The following SNRPG variants were observed in gnomAD, a reference collection of about 807,000 sequenced individuals.
The protein encoded by SNRPG is small nuclear ribonucleoprotein polypeptide G, also known as small nuclear ribonucleoprotein G.
SNRPG carries 3 observed loss-of-function variants against 13.9 expected under a neutral mutation model. The observed-to-expected ratio is 0.22, with a 90% CI of 0.10 to 0.56. SNRPG has a LOEUF of 0.56. Among genes scored for constraint, SNRPG ranks in the 20% least tolerant of loss-of-function variants. The pLI is 0.93. For synonymous variants in SNRPG, 29 were observed against 29.3 expected, an observed-to-expected ratio of 0.99 and a Z score of 0.03; for missense variants, 34 against 96.1, an observed-to-expected ratio of 0.35 and a Z score of 2.70.
intron 1 of SNRPG, chr2:70,292,831 C>A: frequency 3.1e-6 from 1 of 317,760 alleles, no homozygotes; most frequent in Non-Finnish European, 5.9e-6. Context: ...GAAGTATAAG[C>A]AAAACAGAAA....
intron 1 of SNRPG, chr2:70,293,361 G>C (rs1240089414): frequency 3.2e-6 from 2 of 630,984 alleles, no homozygotes; most frequent in African/African-American, 3.6e-5. Flanking sequence ...GGGTGACCAG[G>C]GGCCAGACCG....
chr2:70,292,889 G>A (rs1003155768), intron 1 of SNRPG: 2 of 489,060 alleles, frequency 4.1e-6, no homozygotes, highest in Non-Finnish European at 3.7e-6. Flanking sequence ...AAAAGTATTT[G>A]AGGAATTCAA....
chr2:70,287,172 G>A (rs1367217034), intron 3 of SNRPG: 1 of 603,640 alleles, frequency 1.7e-6, no homozygotes, highest in Non-Finnish European at 2.9e-6. Context: ...AATTAAACAG[G>A]CAGAGATGTC....
chr2:70,293,426 C>A, intron 1 of SNRPG, 192 bp downstream of exon 1: 1 of 667,734 alleles, frequency 1.5e-6, no homozygotes, highest in Non-Finnish European at 2.7e-6. Flanking sequence ...CGGCTGTAAC[C>A]ACACCGACGC....
At chr2:70,285,991 A>T (rs1696933570) in intron 3 of SNRPG, among the ~76,000 whole-genome samples, 1 of 152,182 alleles carries the variant, frequency 6.6e-6, no homozygotes, top group Non-Finnish European at 1.5e-5. Context: ...TGTCACAAAG[A>T]TTGGAGTGCA....
intron 3 of SNRPG, among the ~76,000 whole-genome samples, chr2:70,283,347 TA>T (rs1696861917): frequency 6.6e-6 from 1 of 151,758 alleles, no homozygotes; most frequent in African/African-American, 2.4e-5. Flanking sequence ...AGGGAAAGAA[TA>T]GGTAATGTAG....
In SNRPG at chr2:70,293,716, G is replaced by T. The variant is rs185436321; in HGVS notation, c.-67C>A. 2.0e-6 allele frequency: 3 copies of T among 1,483,678 alleles called. No individual in the cohort carries two copies. The highest frequency in any genetic ancestry group is 2.3e-5 in the East Asian group (1 of 44,236). The allele number at this position is 1,483,678 out of a possible 1,614,324, so 91.9% of individuals were successfully genotyped here. On this transcript the variant is annotated 5_prime_UTR_variant, in exon 1 of 4. Transcript: ENST00000272348. ...GCACGGCTTTCCTCACGCTCCCGCT[G>T]TAGGCCCGGCGTCTTGCGTCTGGCG...
chr2:70,281,752 A>C (rs1696791439), intron 3 of SNRPG, 68 bp from the exon 4 acceptor site: 1 of 852,710 alleles, frequency 1.2e-6, no homozygotes, highest in Admixed American at 2.3e-5. Flanking sequence ...ATGATTTAAG[A>C]ATTTTCACCA....
intron 3 of SNRPG, chr2:70,287,487 G>A (rs888587748): frequency 8.8e-6 from 5 of 565,222 alleles, no homozygotes; most frequent in Non-Finnish European, 1.6e-5. Flanking sequence ...CTCAGTATGT[G>A]CTTATTTTTT....
intron 3 of SNRPG, chr2:70,287,421 C>T (rs777924755): frequency 1.3e-5 from 9 of 688,764 alleles, no homozygotes; most frequent in South Asian, 7.7e-5. Context: ...AACTCTTCTT[C>T]AGCAATCACT....
chr2:70,281,404 T>G lies in SNRPG; in HGVS notation c.*230A>C, dbSNP rs993781160. The G allele has an allele frequency of 1.1e-5, 4 of 351,766 alleles. No individual in the cohort carries two copies. Among genetic ancestry groups the G allele is most frequent in the African/African-American group, 8.6e-5 (4 of 46,728 alleles). The allele number at this position is 351,766 out of a possible 1,614,324, so 21.8% of individuals were successfully genotyped here. ...ATTTAATAAGATTCTTTCACTTTAA[T>G]GCATAAAACCCTTTGAAATCAATGT... is the stretch of plus-strand genomic sequence containing the variant. On this transcript the variant is annotated 3_prime_UTR_variant, in exon 4 of 4. Coordinates refer to ENST00000272348, the MANE Select transcript of SNRPG (RefSeq NM_003096.4).
intron 1 of SNRPG, chr2:70,293,261 C>T: frequency 5.7e-6 from 4 of 701,502 alleles, no homozygotes; most frequent in South Asian, 4.4e-5. Flanking sequence ...GAGAATTTCC[C>T]CCTCTAGCCG....
intron 1 of SNRPG, among the ~76,000 whole-genome samples, chr2:70,291,058 CATAT>C (rs778482328): frequency 1.5e-5 from 2 of 136,214 alleles, no homozygotes; most frequent in African/African-American, 2.8e-5. Flanking sequence ...CACACACACA[CATAT>C]ATGAAGTAAA....
At chr2:70,293,093 T>TA in intron 1 of SNRPG, 1 of 702,272 alleles carries the variant, frequency 1.4e-6, no homozygotes. Context: ...CATTCAAGCT[T>TA]AACGTAAAAG....
intron 1 of SNRPG, chr2:70,293,066 A>T: frequency 1.4e-6 from 1 of 699,032 alleles, no homozygotes; most frequent in East Asian, 2.7e-5. Context: ...TCAACATCAG[A>T]GCAAGATAAC....
At chr2:70,291,953 T>TTA (rs1334695575) in intron 1 of SNRPG, among the ~76,000 whole-genome samples, 1 of 150,674 alleles carries the variant, frequency 6.6e-6, no homozygotes, top group Non-Finnish European at 1.5e-5. Context: ...CTTCTATTTT[T>TTA]TTTTTTTTTT....
At position 70,288,212 on chromosome 2, in the gene SNRPG, A is replaced by T; in HGVS notation, c.56-20T>A. 2 of 1,606,732 alleles carry T rather than the reference A, an allele frequency of 1.2e-6. No individual in the cohort carries two copies. The highest frequency in any genetic ancestry group is 1.3e-5 in the African/African-American group (1 of 74,910). On this transcript the variant is annotated intron_variant, in intron 2 of 3. Transcript: ENST00000272348. ...ATTTCACTATTAAAAAGAGAAAAAG[A>T]AGTTTTAGAAAAACATTCCATTAGC... is the stretch of plus-strand genomic sequence containing the variant.
chr2:70,282,235 T>C (rs1229566414), intron 3 of SNRPG, among the ~76,000 whole-genome samples: 2 of 152,112 alleles, frequency 1.3e-5, no homozygotes, highest in Non-Finnish European at 2.9e-5. Context: ...CCTTCTAAAA[T>C]GCAGGACTCA....
intron 3 of SNRPG, 178 bp downstream of exon 3, chr2:70,287,890 C>T (rs1283111628): frequency 1.6e-6 from 1 of 617,978 alleles, no homozygotes; most frequent in East Asian, 2.8e-5. Context: ...TGAGATCTTA[C>T]CTACAGGTAA....
Sources: gnomAD v4.1 joint callset for allele counts (sites outside exome capture counted in the v4.1 genomes callset) on GRCh38, gnomAD v4.1.1 for gene constraint, MANE v1.5 for transcripts, NCBI Gene and HGNC (gene_info 2026-07-23, HGNC 2026-07-21) for gene names.